The following TMEM178B variants were observed in gnomAD, a reference collection of about 807,000 sequenced individuals.
TMEM178B encodes transmembrane protein 178B.
TMEM178B carries 5 observed loss-of-function variants against 31.0 expected under a neutral mutation model. The observed-to-expected ratio is 0.16, with a 90% CI of 0.08 to 0.34. TMEM178B has a LOEUF of 0.34. Among genes scored for constraint, TMEM178B ranks in the 10% least tolerant of loss-of-function variants. The pLI is 1.00. For synonymous variants in TMEM178B, 164 were observed against 164.0 expected, an observed-to-expected ratio of 1.00 and a Z score of 0.00; for missense variants, 275 against 400.3, an observed-to-expected ratio of 0.69 and a Z score of 2.67.
intron 1 of TMEM178B, among the ~76,000 whole-genome samples, chr7:141,090,059 A>G (rs1016314680): frequency 2.6e-5 from 4 of 152,042 alleles, no homozygotes; most frequent in African/African-American, 7.2e-5. Flanking sequence ...CACTTTTGCT[A>G]CCCTTCTTGC....
chr7:141,509,464 A>G, the TMEM178B span, among the ~76,000 whole-genome samples: 9 of 152,178 alleles, frequency 5.9e-5, no homozygotes, highest in African/African-American at 2.2e-4. Context: ...AGCCTGGCCA[A>G]CATGGCAAAA....
chr7:141,345,343 T>A (rs1352379351), intron 2 of TMEM178B, among the ~76,000 whole-genome samples: 1 of 152,210 alleles, frequency 6.6e-6, no homozygotes, highest in Non-Finnish European at 1.5e-5. Context: ...CAACTCGAGA[T>A]TGATAATATC....
intron 2 of TMEM178B, among the ~76,000 whole-genome samples, chr7:141,219,543 G>A (rs1183740898): frequency 2.0e-5 from 3 of 152,288 alleles, no homozygotes; most frequent in East Asian, 3.9e-4. Context: ...GTAGCAAGAA[G>A]ACTCAGCCAA....
At chr7:141,339,370 G>A (rs1469484056) in intron 2 of TMEM178B, among the ~76,000 whole-genome samples, 1 of 152,158 alleles carries the variant, frequency 6.6e-6, no homozygotes. Flanking sequence ...GCTCACGTGG[G>A]GCATGTGGAG....
the TMEM178B span, among the ~76,000 whole-genome samples, chr7:141,506,420 A>C: frequency 6.6e-6 from 1 of 152,216 alleles, no homozygotes; most frequent in Non-Finnish European, 1.5e-5. Flanking sequence ...CAGGAGGCAA[A>C]AGGCACTTCT....
At position 141,424,088 on chromosome 7, in the gene TMEM178B, G is replaced by A. The variant is rs139798198; in HGVS notation, c.497-13520G>A. On this transcript the variant is annotated intron_variant, in intron 2 of 3. Coordinates refer to ENST00000565468, the MANE Select transcript of TMEM178B (RefSeq NM_001195278.2). ...CCACCTTGGCCTCCCAAAATGCTGG[G>A]ATTACAGGTGTGAGCCACCACATGC... Among the ~76,000 whole-genome samples, 445 of 152,160 alleles carry A rather than the reference G, an allele frequency of 2.9e-3. 4 individuals are homozygous for A. The highest frequency in any genetic ancestry group is 0.01 in the African/African-American group (432 of 41,488).
chr7:141,120,584 G>A (rs1210462731), intron 1 of TMEM178B, among the ~76,000 whole-genome samples: 2 of 152,004 alleles, frequency 1.3e-5, no homozygotes, highest in African/African-American at 4.8e-5. Flanking sequence ...CTTGCCTTCT[G>A]TTTCCTAAGC....
At chr7:141,441,380 T>C (rs1181750) in intron 3 of TMEM178B, among the ~76,000 whole-genome samples, 120,505 of 152,076 alleles carry the variant, frequency 0.79, 47,941 homozygotes, top group African/African-American at 0.84. Context: ...GTGACAGCCA[T>C]CTCATAGATA....
chr7:141,452,124 G>A (rs1232492096), intron 3 of TMEM178B, among the ~76,000 whole-genome samples: 1 of 152,102 alleles, frequency 6.6e-6, no homozygotes, highest in Non-Finnish European at 1.5e-5. Flanking sequence ...ATGTCCGCTT[G>A]TCAACAACAC....
At chr7:141,424,690 A>G (rs981055983) in intron 2 of TMEM178B, among the ~76,000 whole-genome samples, 4 of 152,172 alleles carry the variant, frequency 2.6e-5, no homozygotes, top group Admixed American at 2.6e-4. Flanking sequence ...CCCTGTTAAC[A>G]TTTGGTGTAC....
At chr7:141,302,685 A>C (rs934438887) in intron 2 of TMEM178B, among the ~76,000 whole-genome samples, 3 of 152,184 alleles carry the variant, frequency 2.0e-5, no homozygotes, top group Non-Finnish European at 4.4e-5. Context: ...CAGTAGAAAA[A>C]AAAGTCTTGG....
In TMEM178B at chr7:141,479,264, A is replaced by G. The variant is rs766628995; in HGVS notation, c.*8478A>G. 5.3e-5 allele frequency: 8 copies of G among 152,272 alleles called. No individual in the cohort carries two copies. The highest frequency in any genetic ancestry group is 1.2e-4 in the Non-Finnish European group (8 of 68,074). 9.4% of individuals were successfully genotyped at this position (152,272 alleles called of 1,614,324 possible). On this transcript the variant is annotated 3_prime_UTR_variant, in exon 4 of 4. Transcript: ENST00000565468. ...CGTCACCTGGGCCAGTCACCTGCTA[A>G]TATCATCTCACCAATATTTGGAGCT... is the stretch of plus-strand genomic sequence containing the variant.
intron 1 of TMEM178B, among the ~76,000 whole-genome samples, chr7:141,121,833 T>C (rs937787229): frequency 1.3e-5 from 2 of 152,166 alleles, no homozygotes; most frequent in African/African-American, 4.8e-5. Flanking sequence ...TCTCCCTTCT[T>C]TTTAGCACCC....
At chr7:141,152,042 C>T (rs986455618) in intron 1 of TMEM178B, among the ~76,000 whole-genome samples, 2 of 152,162 alleles carry the variant, frequency 1.3e-5, no homozygotes, top group Non-Finnish European at 2.9e-5. Flanking sequence ...AGAGAGGGGG[C>T]TCAGTGGCCA....
intron 3 of TMEM178B, among the ~76,000 whole-genome samples, chr7:141,449,588 C>T (rs1801826572): frequency 6.6e-6 from 1 of 152,180 alleles, no homozygotes; most frequent in Admixed American, 6.5e-5. Context: ...ACACAGGGTC[C>T]CCCTGAGATA....
chr7:141,217,764 G>A (rs573801442), intron 2 of TMEM178B, among the ~76,000 whole-genome samples: 4 of 152,124 alleles, frequency 2.6e-5, no homozygotes, highest in South Asian at 2.1e-4. Context: ...CCTGAGACGC[G>A]GACTCACTGT....
chr7:141,272,348 G>A (rs932752910), intron 2 of TMEM178B, among the ~76,000 whole-genome samples: 4 of 152,200 alleles, frequency 2.6e-5, no homozygotes, highest in Non-Finnish European at 5.9e-5. Context: ...AAAGCAATTT[G>A]AGAATTTTAC....
At chr7:141,147,390 G>A (rs183804005) in intron 1 of TMEM178B, among the ~76,000 whole-genome samples, 6 of 152,216 alleles carry the variant, frequency 3.9e-5, no homozygotes, top group Admixed American at 2.6e-4. Flanking sequence ...TGTAAGCCGT[G>A]TTTAGCAACT....
intron 2 of TMEM178B, among the ~76,000 whole-genome samples, chr7:141,309,712 T>C (rs1445305009): frequency 6.6e-6 from 1 of 152,200 alleles, no homozygotes; most frequent in African/African-American, 2.4e-5. Context: ...AGATTTCTTA[T>C]AGATTACTTA....
Sources: allele counts gnomAD v4.1 joint callset (sites outside exome capture counted in the v4.1 genomes callset), GRCh38; gene constraint gnomAD v4.1.1; transcripts MANE v1.5; gene names NCBI Gene and HGNC (gene_info 2026-07-23, HGNC 2026-07-21).